Variants in RBM41 observed in about 807,000 individuals in gnomAD.
RBM41 encodes RNA-binding protein 41.
RBM41 carries 14 observed loss-of-function variants against 30.8 expected under a neutral mutation model. The ratio of observed to expected loss-of-function variants is 0.45; its 90% CI spans 0.30 to 0.71. The LOEUF (loss-of-function observed/expected upper bound fraction) is 0.71, where lower values mean the gene tolerates loss of function less well. Among genes scored for constraint, RBM41 ranks in the 30% least tolerant of loss-of-function variants. The pLI is 0.08. For synonymous variants in RBM41, 120 were observed against 110.1 expected (o/e 1.09, Z -0.56); for missense variants, 276 against 326.3 (o/e 0.85, Z 1.19).
At chrX:107,107,214 G>A (rs1924085696) in intron 5 of RBM41, among the ~76,000 whole-genome samples, 1 of 111,100 alleles carries the variant, frequency 9.0e-6, no homozygotes, top group African/African-American at 3.3e-5. Flanking sequence ...TTATTTGGAA[G>A]ATAAAAGGGA....
chrX:107,056,866 A>G, the RBM41 span, among the ~76,000 whole-genome samples: 8 of 88,338 alleles, frequency 9.1e-5, no homozygotes, highest in African/African-American at 3.5e-4. Flanking sequence ...TATTTCATTT[A>G]TCTTAACTAT....
At chrX:107,076,036 G>T (rs1304138158) in intron 6 of RBM41, among the ~76,000 whole-genome samples, 1 of 111,259 alleles carries the variant, frequency 9.0e-6, no homozygotes, top group Non-Finnish European at 1.9e-5. Context: ...ATACAATGGG[G>T]GCTGGGTGTG....
rs915434596 is a variant in RBM41, at chrX:107,067,459, T to G, written c.*68A>C. 2.7e-6 allele frequency: 3 copies of G among 1,128,294 alleles called. No individual in the cohort carries two copies. The highest frequency in any genetic ancestry group is 3.5e-6 in the Non-Finnish European group (3 of 855,628). The allele number at this position is 1,128,294 out of a possible 1,213,427, so 93.0% of individuals were successfully genotyped here. A position where few individuals can be genotyped will look rare whatever the true frequency, so the allele number is the denominator to read the frequency against. ...TCAACTCCAAACAAACTGGTGTCTA[T>G]ACATAAATCCTAGATCCAAGATTCC... On this transcript the variant is annotated 3_prime_UTR_variant, in exon 8 of 8. Transcript: ENST00000685964.
At chrX:107,093,817 G>A (rs866609796) in intron 5 of RBM41, among the ~76,000 whole-genome samples, 42 of 111,797 alleles carry the variant, frequency 3.8e-4, no homozygotes, top group African/African-American at 1.4e-3. Flanking sequence ...TCTTTGAAAA[G>A]TTTAACAAAT....
chrX:107,117,353 A>T (rs2147776752), intron 1 of RBM41, among the ~76,000 whole-genome samples: 1 of 112,377 alleles, frequency 8.9e-6, no homozygotes, highest in South Asian at 3.7e-4. Context: ...AATATGCCAT[A>T]GAGATTCAAA....
chrX:107,057,721 GATT>G (rs1451088828), downstream of RBM41, among the ~76,000 whole-genome samples: 1 of 111,730 alleles, frequency 9.0e-6, no homozygotes, highest in Non-Finnish European at 1.9e-5. Context: ...AAACAAATGG[GATT>G]ATATTAAACT....
At chrX:107,056,891 T>TG (rs1233370842), downstream of RBM41, among the ~76,000 whole-genome samples, 49 of 90,011 alleles carry the variant, frequency 5.4e-4, no homozygotes, top group Admixed American at 7.8e-4. Flanking sequence ...TTTTTTTTTT[T>TG]GGGGGGGGCG....
chrX:107,057,876 A>C (rs1152326), downstream of RBM41, among the ~76,000 whole-genome samples: 40,879 of 111,080 alleles, frequency 0.37, 8,097 homozygotes, highest in African/African-American at 0.77. Flanking sequence ...AGCAACAAAA[A>C]AAACTGTGAT....
chrX:107,071,483 T>C (rs1483739934), intron 6 of RBM41, among the ~76,000 whole-genome samples: 1 of 111,162 alleles, frequency 9.0e-6, no homozygotes, highest in Non-Finnish European at 1.9e-5. Context: ...ATATCCTTAA[T>C]AAACAGATGT....
chrX:107,107,355 G>A (rs1357576874), intron 5 of RBM41, among the ~76,000 whole-genome samples: 1 of 111,887 alleles, frequency 8.9e-6, no homozygotes, highest in Non-Finnish European at 1.9e-5. Context: ...ATGGATGAAA[G>A]TTCTTGCTGA....
chrX:107,107,726 T>C (rs756284064), intron 5 of RBM41, among the ~76,000 whole-genome samples: 39 of 111,015 alleles, frequency 3.5e-4, no homozygotes, highest in African/African-American at 1.1e-3. Flanking sequence ...GGTTAAATAA[T>C]GGATGATAGA....
intron 5 of RBM41, among the ~76,000 whole-genome samples, chrX:107,097,208 C>T (rs1285819262): frequency 8.9e-6 from 1 of 112,208 alleles, no homozygotes; most frequent in Non-Finnish European, 1.9e-5. Flanking sequence ...AAATTCTACT[C>T]ATTCAAGAGA....
At chrX:107,057,437 T>C (rs1420966177), downstream of RBM41, among the ~76,000 whole-genome samples, 1 of 112,143 alleles carries the variant, frequency 8.9e-6, no homozygotes, top group African/African-American at 3.2e-5. Context: ...TTTAACTCAT[T>C]TGTGGATTTT....
intron 6 of RBM41, among the ~76,000 whole-genome samples, chrX:107,072,272 C>A (rs1280254237): frequency 1.8e-5 from 2 of 110,869 alleles, no homozygotes; most frequent in Non-Finnish European, 3.8e-5. Context: ...CCAAAAAGCC[C>A]TTAGAACAGA....
Position 107,088,655 on chromosome X carries a change from G to A in RBM41, c.780C>T (p.Leu260=). The A allele has an allele frequency of 1.7e-6, 2 of 1,211,446 alleles. No individual in the cohort carries two copies. Among genetic ancestry groups the A allele is most frequent in the South Asian group, 1.8e-5 (1 of 56,939 alleles). ...GTGCTGCCTGTTTTCCCTTGTCCTGGAGTAATGATGGGCTCTCAGCTGTGC... is the reference window on the plus strand; with the variant it reads ...GTGCTGCCTGTTTTCCCTTGTCCTGAAGTAATGATGGGCTCTCAGCTGTGC... ...DSGTAESPSL[L]QDKGKQAAQG... Residue 260 remains leucine, a synonymous_variant, in exon 6 of 8, where the codon CTC becomes CTT. Coordinates refer to ENST00000685964, the MANE Select transcript of RBM41 (RefSeq NM_001324242.2).
Position 107,115,942 on chromosome X carries a change from G to T in RBM41, c.238C>A (p.Gln80Lys). 1 of 1,209,811 alleles carries T rather than the reference G, an allele frequency of 8.3e-7. No individual in the cohort carries two copies. The highest frequency in any genetic ancestry group is 1.1e-6 in the Non-Finnish European group (1 of 894,451). The change falls in exon 3 of 8, where the codon CAG becomes AAG. Residue 80 changes from glutamine (Q) to lysine (K), a missense_variant. Transcript: ENST00000685964. ...SQFQTLHEKDQETASLRELGL... is the reference protein window; with the variant it reads ...SQFQTLHEKDKETASLRELGL... ...AATTCCCTGAGAGAAGCAGTTTCCT[G>T]GTCCTTCTCATGCAGTGTCTGGAAT...
the RBM41 span, among the ~76,000 whole-genome samples, chrX:107,055,753 T>A: frequency 8.9e-6 from 1 of 112,778 alleles, no homozygotes; most frequent in South Asian, 3.7e-4. Context: ...TTCCTCAAAG[T>A]TCTTGTCAAC....
chrX:107,060,008 T>A (rs889522364), downstream of RBM41, among the ~76,000 whole-genome samples: 4 of 110,675 alleles, frequency 3.6e-5, no homozygotes, highest in Non-Finnish European at 7.6e-5. Flanking sequence ...AAAAACAAGA[T>A]GAGCCTGGAA....
At chrX:107,068,694 C>T (rs980098) in intron 7 of RBM41, among the ~76,000 whole-genome samples, 5,646 of 111,301 alleles carry the variant, frequency 0.051, 370 homozygotes, top group African/African-American at 0.18. Flanking sequence ...ATGAAAGGTA[C>T]AGATCCTACA....
Sources: allele counts gnomAD v4.1 joint callset (sites outside exome capture counted in the v4.1 genomes callset), GRCh38; gene constraint gnomAD v4.1.1; transcripts MANE v1.5; gene names NCBI Gene and HGNC (gene_info 2026-07-23, HGNC 2026-07-21).